The following GNPTAB variants were observed in gnomAD, a reference collection of about 807,000 sequenced individuals.
GNPTAB encodes N-acetylglucosamine-1-phosphotransferase subunits alpha/beta.
In GNPTAB, 92 loss-of-function variants were observed where a neutral mutation model predicts 136.6. The observed-to-expected ratio is 0.67, with a 90% CI of 0.57 to 0.80. GNPTAB has a LOEUF of 0.80. Among genes scored for constraint, GNPTAB ranks in the 30% least tolerant of loss-of-function variants. GNPTAB has a pLI of 0.00. For missense variants in GNPTAB, 1,343 were observed against 1,501.8 expected (o/e 0.89, Z 1.75); for synonymous variants, 512 against 535.1 (o/e 0.96, Z 0.60).
chr12:101,800,284 A>G (rs538996048), intron 1 of GNPTAB, among the ~76,000 whole-genome samples: 2 of 152,226 alleles, frequency 1.3e-5, no homozygotes, highest in South Asian at 2.1e-4. Context: ...CAGGAGCTCA[A>G]GACCAGCCTG....
intron 1 of GNPTAB, among the ~76,000 whole-genome samples, chr12:101,822,982 C>T (rs1038573412): frequency 1.3e-5 from 2 of 152,124 alleles, no homozygotes; most frequent in African/African-American, 4.8e-5. Context: ...GAGACCAGTC[C>T]CGAGATTCAG....
chr12:101,758,386 G>A (rs1258509303), intron 16 of GNPTAB, among the ~76,000 whole-genome samples: 1 of 152,042 alleles, frequency 6.6e-6, no homozygotes. Flanking sequence ...TGTTGGCCAG[G>A]CTGGTCTTGA....
Position 101,747,192 on chromosome 12 carries a change from T to G in GNPTAB, c.3743A>C (p.Glu1248Ala). Residue 1248 changes from glutamate to alanine, a missense_variant, in exon 21 of 21, where the codon GAA becomes GCA. Glu to Ala is a moderately radical substitution (Grantham distance 107). Coordinates refer to ENST00000299314, the MANE Select transcript of GNPTAB (RefSeq NM_024312.5). Reference sequence around the variant, plus strand: ...TACTCTGATTCGATTGGGACTAGCTTCTTTGTGTATCCTCCTTCTGGGAAA... The same window carrying G: ...TACTCTGATTCGATTGGGACTAGCTGCTTTGTGTATCCTCCTTCTGGGAAA... ...KIFPRRRIHKEASPNRIRV is the reference protein window; with the variant it reads ...KIFPRRRIHKAASPNRIRV The G allele has an allele frequency of 1.3e-6, 2 of 1,596,094 alleles. No homozygotes were observed. Among genetic ancestry groups the G allele is most frequent in the Non-Finnish European group, 1.7e-6 (2 of 1,163,512 alleles).
chr12:101,757,678 A>G, intron 16 of GNPTAB, 21 bp from the exon 17 acceptor site: 1 of 1,177,374 alleles, frequency 8.5e-7, no homozygotes, highest in South Asian at 1.2e-5. Flanking sequence ...ATATAAGTAG[A>G]TCAGATATCA....
rs775174984 is a variant in GNPTAB, at chr12:101,764,862, T to C, written c.2055A>G (p.Ser685=). 2.5e-6 allele frequency: 4 copies of C among 1,614,208 alleles called. No individual in the cohort carries two copies. Among genetic ancestry groups the C allele is most frequent in the Non-Finnish European group, 3.4e-6 (4 of 1,180,036 alleles). ...TCACCTCTTCCTGGGCTCTCCTTGTTGAGTTAACATCATGTCTCTTAAACT... is the reference window on the plus strand; with the variant it reads ...TCACCTCTTCCTGGGCTCTCCTTGTCGAGTTAACATCATGTCTCTTAAACT... ...FPKFKRHDVN[S]TRRAQEEVKI... Residue 685 remains serine (S), a synonymous_variant, in exon 13 of 21, where the codon TCA becomes TCG. Transcript: ENST00000299314.
At chr12:101,773,249 C>T (rs1427743168) in intron 7 of GNPTAB, 2 of 198,016 alleles carry the variant, frequency 1.0e-5, no homozygotes, top group Non-Finnish European at 2.1e-5. Flanking sequence ...TTTTTAATTC[C>T]TTGATATTTT....
intron 18 of GNPTAB, among the ~76,000 whole-genome samples, chr12:101,754,993 A>G (rs7957994): frequency 0.023 from 3,534 of 152,320 alleles, 90 homozygotes; most frequent in East Asian, 0.063. Flanking sequence ...AAAAAAACAC[A>G]TAAGTCTTTA....
At chr12:101,786,751 A>T (rs1868670118) in intron 4 of GNPTAB, among the ~76,000 whole-genome samples, 1 of 152,260 alleles carries the variant, frequency 6.6e-6, no homozygotes, top group Admixed American at 6.5e-5. Flanking sequence ...CAATAAACAT[A>T]TTACCTGAAT....
rs776312538 is a variant in GNPTAB at position 101,761,305 on chromosome 12, C to T, written c.2957G>A (p.Arg986His). The T allele has an allele frequency of 5.0e-6, 8 of 1,613,962 alleles. No individual in the cohort carries two copies. Among genetic ancestry groups the T allele is most frequent in the East Asian group, 4.5e-5 (2 of 44,894 alleles). ...GGCAAACTGCATATCCTCAGAATGGCGCACTTTGTGAAATGACGTCTTGTC... is the reference window on the plus strand; with the variant it reads ...GGCAAACTGCATATCCTCAGAATGGTGCACTTTGTGAAATGACGTCTTGTC... The part of the protein sequence containing the change: ...EFDKTSFHKV[R>H]HSEDMQFAFS... The change falls in exon 15 of 21, where the codon CGC (arginine) becomes CAC (histidine). Residue 986 changes from arginine (R) to histidine (H), a missense_variant. By Grantham distance (29) the Arg-to-His change is conservative. Transcript: ENST00000299314.
chr12:101,768,206 T>TA (rs1206038791), intron 10 of GNPTAB, 46 bp from the exon 11 acceptor site: 1 of 1,599,840 alleles, frequency 6.3e-7, no homozygotes, highest in East Asian at 2.2e-5. Flanking sequence ...TGGCTTCTGA[T>TA]ACATTTTATT....
At chr12:101,753,258 A>C in intron 19 of GNPTAB, 114 bp downstream of exon 19, 1 of 995,408 alleles carries the variant, frequency 1.0e-6, no homozygotes, top group East Asian at 2.6e-5. Context: ...CGTCTCAAAA[A>C]AAAAAAATAA....
intron 2 of GNPTAB, 103 bp downstream of exon 2, chr12:101,796,574 C>A (rs1594242688): frequency 1.3e-6 from 1 of 795,958 alleles, no homozygotes; most frequent in South Asian, 1.4e-5. Flanking sequence ...TAAACCATAT[C>A]TATAACTCAG....
At chr12:101,767,871 G>T in intron 11 of GNPTAB, 166 bp downstream of exon 11, 1 of 810,680 alleles carries the variant, frequency 1.2e-6, no homozygotes, top group Non-Finnish European at 2.0e-6. Context: ...TCCCAGCTCA[G>T]CTTTGCAAAG....
intron 1 of GNPTAB, among the ~76,000 whole-genome samples, chr12:101,822,639 G>A (rs962482945): frequency 6.6e-6 from 1 of 152,168 alleles, no homozygotes; most frequent in African/African-American, 2.4e-5. Flanking sequence ...CTCCACTGCA[G>A]GCTTTCTCCC....
intron 16 of GNPTAB, among the ~76,000 whole-genome samples, chr12:101,758,582 T>G (rs530586282): frequency 1.5e-4 from 23 of 152,350 alleles, no homozygotes; most frequent in Admixed American, 2.6e-4. Context: ...ACTTTATTAA[T>G]TTGGTAATGT....
At chr12:101,751,356 T>C (rs1425294542) in intron 19 of GNPTAB, among the ~76,000 whole-genome samples, 2 of 152,208 alleles carry the variant, frequency 1.3e-5, no homozygotes, top group East Asian at 1.9e-4. Flanking sequence ...GCCCTCAATA[T>C]ACTGTATCAC....
chr12:101,766,381 T>A, intron 11 of GNPTAB, 87 bp from the exon 12 acceptor site: 1 of 1,137,254 alleles, frequency 8.8e-7, no homozygotes, highest in Non-Finnish European at 1.3e-6. Flanking sequence ...CTGACGCCTG[T>A]AATCTCAACA....
intron 2 of GNPTAB, chr12:101,796,263 C>G (rs1320471155): frequency 1.4e-6 from 1 of 702,438 alleles, no homozygotes; most frequent in South Asian, 1.5e-5. Context: ...CCTCACAGAC[C>G]TGGGGAGACA....
At chr12:101,753,259 A>T (rs1029806078) in intron 19 of GNPTAB, 113 bp downstream of exon 19, 9 of 1,005,076 alleles carry the variant, frequency 9.0e-6, no homozygotes, top group African/African-American at 6.6e-5. Context: ...GTCTCAAAAA[A>T]AAAAAATAAA....
Sources: allele counts gnomAD v4.1 joint callset (sites outside exome capture counted in the v4.1 genomes callset), GRCh38; gene constraint gnomAD v4.1.1; transcripts MANE v1.5; gene names NCBI Gene and HGNC (gene_info 2026-07-23, HGNC 2026-07-21).